The following GSE1 variants were observed in gnomAD, a reference collection of about 807,000 sequenced individuals.
GSE1 encodes Gse1 coiled-coil protein, also known as genetic suppressor element 1.
In GSE1, 32 loss-of-function variants were observed where a neutral mutation model predicts 112.6. The observed-to-expected ratio is 0.28, with a 90% CI of 0.21 to 0.38. The LOEUF (loss-of-function observed/expected upper bound fraction) is 0.38. Among genes scored for constraint, GSE1 ranks in the 10% least tolerant of loss-of-function variants. The pLI, the probability that GSE1 is intolerant of heterozygous loss-of-function variation, is 1.00. For synonymous variants in GSE1, 1,115 were observed against 735.6 expected (o/e 1.52, Z -8.35); for missense variants, 2,348 against 1,699.2 (o/e 1.38, Z -6.71).
chr16:85,226,481 T>C (rs1225106281), intron 1 of GSE1, among the ~76,000 whole-genome samples: 1 of 152,186 alleles, frequency 6.6e-6, no homozygotes. Flanking sequence ...CCAAGGGGGC[T>C]GCTGGCAGCA....
chr16:85,513,812 G>T (rs950712967), intron 2 of GSE1, among the ~76,000 whole-genome samples: 3 of 152,080 alleles, frequency 2.0e-5, no homozygotes, highest in Admixed American at 6.5e-5. Flanking sequence ...GACCGGGGAG[G>T]GGGGGTCCCA....
At chr16:85,224,299 T>TAAAAAAAAAAAAA (rs2075443983) in intron 1 of GSE1, among the ~76,000 whole-genome samples, 1 of 1,918 alleles carries the variant, frequency 5.2e-4, no homozygotes, top group Non-Finnish European at 1.0e-3. Flanking sequence ...CTACTAAAAA[T>TAAAAAAAAAAAAA]ACAAAAAAAA....
At chr16:85,212,114 T>G (rs2143665016) in intron 1 of GSE1, among the ~76,000 whole-genome samples, 1 of 152,318 alleles carries the variant, frequency 6.6e-6, no homozygotes, top group South Asian at 2.1e-4. Flanking sequence ...GTATTAATAA[T>G]TGGGCTAGAA....
rs542920443 is a variant in GSE1, at chr16:85,171,022, C to T, written c.1498C>T (p.Leu500Phe). ...TGCCCGGGCGGTCCCCTCCAGGATC[C>T]TCAACGGCAACGCCAGGAGCGCCAT... Residue 500 changes from leucine (L) to phenylalanine (F), a missense_variant, in exon 1 of 3, where the codon CTC (leucine) becomes TTC (phenylalanine). Leu to Phe is a conservative substitution (Grantham distance 22). Coordinates refer to the GSE1 transcript ENST00000637419. 89 of 985,710 alleles carry T rather than the reference C, an allele frequency of 9.0e-5. 1 individual carries two copies. In the East Asian group the frequency reaches 9.2e-3, roughly 102 times the overall value. 61.1% of individuals were successfully genotyped at this position (985,710 alleles called of 1,614,324 possible).
At chr16:85,647,913 C>G (rs775642691) in intron 2 of GSE1, among the ~76,000 whole-genome samples, 12 of 152,166 alleles carry the variant, frequency 7.9e-5, no homozygotes, top group Non-Finnish European at 1.5e-4. Flanking sequence ...TGTTTGTTCC[C>G]TGCTGCACTG....
intron 1 of GSE1, among the ~76,000 whole-genome samples, chr16:85,560,125 C>CTTTT (rs2045441100): frequency 2.0e-5 from 2 of 100,624 alleles, no homozygotes; most frequent in African/African-American, 4.2e-5. Context: ...TTTTCTTCTT[C>CTTTT]TTCTTTTTTT....
chr16:85,529,610 G>C (rs918035175), intron 2 of GSE1, among the ~76,000 whole-genome samples: 2 of 152,148 alleles, frequency 1.3e-5, no homozygotes, highest in Admixed American at 6.5e-5. Context: ...CCCCCACTAC[G>C]GGGCCCCTTT....
chr16:85,554,977 C>T (rs1230919910), upstream of GSE1: 24 of 985,262 alleles, frequency 2.4e-5, no homozygotes, highest in Non-Finnish European at 2.7e-5. Flanking sequence ...TCCTGCGCCC[C>T]GCTCCCCGTC....
intron 1 of GSE1, among the ~76,000 whole-genome samples, chr16:85,215,097 A>C (rs2143692954): frequency 6.6e-6 from 1 of 152,298 alleles, no homozygotes; most frequent in South Asian, 2.1e-4. Context: ...CACAGGCTAC[A>C]CAGACATGGG....
intron 1 of GSE1, among the ~76,000 whole-genome samples, chr16:85,199,063 G>T (rs955618054): frequency 6.6e-6 from 1 of 152,078 alleles, no homozygotes; most frequent in African/African-American, 2.4e-5. Context: ...TGCTGCCTCA[G>T]CCTCCCGAGT....
At chr16:85,310,192 C>G (rs2045798601) in intron 1 of GSE1, among the ~76,000 whole-genome samples, 1 of 152,208 alleles carries the variant, frequency 6.6e-6, no homozygotes, top group African/African-American at 2.4e-5. Context: ...CCCCCACGCC[C>G]TGACCCAGCC....
intron 1 of GSE1, among the ~76,000 whole-genome samples, chr16:85,246,752 GAAGC>G (rs929871482): frequency 1.3e-5 from 2 of 152,064 alleles, no homozygotes; most frequent in Non-Finnish European, 2.9e-5. Flanking sequence ...ACTGTGCCTG[GAAGC>G]AATGAAATGG....
chr16:85,263,004 T>C (rs954842583), intron 1 of GSE1, among the ~76,000 whole-genome samples: 1 of 152,102 alleles, frequency 6.6e-6, no homozygotes, highest in African/African-American at 2.4e-5. Flanking sequence ...AAGGAGACAG[T>C]ACAGGAATAG....
intron 1 of GSE1, among the ~76,000 whole-genome samples, chr16:85,228,556 C>T (rs778946808): frequency 2.0e-5 from 3 of 152,198 alleles, no homozygotes; most frequent in Non-Finnish European, 2.9e-5. Flanking sequence ...ATAATAATAT[C>T]GCCTATCTCT....
chr16:85,275,009 C>A (rs527270869), intron 1 of GSE1, among the ~76,000 whole-genome samples: 1 of 152,320 alleles, frequency 6.6e-6, no homozygotes, highest in East Asian at 1.9e-4. Context: ...CTTATTAGAG[C>A]TCCTTGGTGG....
At chr16:85,263,346 C>T (rs1907910103) in intron 1 of GSE1, among the ~76,000 whole-genome samples, 1 of 152,018 alleles carries the variant, frequency 6.6e-6, no homozygotes, top group African/African-American at 2.4e-5. Flanking sequence ...ATCAGAGGCC[C>T]CCAGAGAGCC....
At chr16:85,302,399 G>A (rs925031257) in intron 1 of GSE1, among the ~76,000 whole-genome samples, 2 of 151,826 alleles carry the variant, frequency 1.3e-5, no homozygotes, top group Admixed American at 6.6e-5. Context: ...ATCTCTTGTC[G>A]GCCCAGTTTA....
At chr16:85,306,994 G>A (rs2045696663) in intron 1 of GSE1, among the ~76,000 whole-genome samples, 1 of 152,250 alleles carries the variant, frequency 6.6e-6, no homozygotes, top group Non-Finnish European at 1.5e-5. Context: ...AGCCACCCAG[G>A]TGTGTGGGTG....
At chr16:85,368,926 G>C (rs1029254412) in intron 2 of GSE1, among the ~76,000 whole-genome samples, 3 of 152,100 alleles carry the variant, frequency 2.0e-5, no homozygotes, top group Admixed American at 6.5e-5. Context: ...CACATGGAGG[G>C]GGTCCTGCCC....
Sources: allele counts gnomAD v4.1 joint callset (sites outside exome capture counted in the v4.1 genomes callset), GRCh38; gene constraint gnomAD v4.1.1; transcripts MANE v1.5; gene names NCBI Gene and HGNC (gene_info 2026-07-23, HGNC 2026-07-21).